WDR73: variants seen among roughly 807,000 people sequenced by gnomAD.
WDR73 encodes integrator complex assembly factor WDR73.
WDR73 carries 30 observed loss-of-function variants against 38.2 expected under a neutral mutation model. That is an observed-to-expected ratio of 0.79 (90% CI 0.59 to 1.06). WDR73 has a LOEUF of 1.06. Among genes scored for constraint, WDR73 ranks in the 50% least tolerant of loss-of-function variants. The probability of loss-of-function intolerance (pLI) is 0.00; values close to 1 mark genes in which losing one functional copy is unlikely to be tolerated. For synonymous variants in WDR73, 197 were observed against 176.0 expected, an observed-to-expected ratio of 1.12 and a Z score of -0.94; for missense variants, 487 against 467.0, an observed-to-expected ratio of 1.04 and a Z score of -0.40.
rs751738614 is a variant in WDR73, at chr15:84,646,234, C to A, written c.467G>T (p.Arg156Leu). The stretch of plus-strand genomic sequence containing the variant: ...CTCCAGATCAACGACCTGCAGACTT[C>A]GGAGCCTCGCCCCATGGAGGACTCC... ...APGVLHGARL[R>L]SLQVVDLESR... Residue 156 changes from arginine to leucine, a missense_variant, in exon 6 of 8, where the codon CGA becomes CTA. Coordinates refer to ENST00000434634, the MANE Select transcript of WDR73 (RefSeq NM_032856.5). The A allele has an allele frequency of 2.5e-6, 4 of 1,613,882 alleles. No homozygotes were observed. In the South Asian group the frequency reaches 4.4e-5, roughly 18 times the overall value.
rs1596047474 is a variant in WDR73, at chr15:84,643,296, C to G, written c.*174G>C. 2.8e-6 allele frequency: 2 copies of G among 724,370 alleles called. No individual in the cohort carries two copies. The highest frequency in any genetic ancestry group is 5.4e-5 in the East Asian group (2 of 36,850). 44.9% of individuals were successfully genotyped at this position (724,370 alleles called of 1,614,324 possible). A position where few individuals can be genotyped will look rare whatever the true frequency, so the allele number is the denominator to read the frequency against. Reference sequence around the variant, plus strand: ...TTCGCAATATCACTACGAGGTAGTTCTTACTATCCTCATTTTACAGATAAG... The same window carrying G: ...TTCGCAATATCACTACGAGGTAGTTGTTACTATCCTCATTTTACAGATAAG... On this transcript the variant is annotated 3_prime_UTR_variant, in exon 8 of 8. Coordinates refer to ENST00000434634, the MANE Select transcript of WDR73 (RefSeq NM_032856.5).
intron 5 of WDR73, 148 bp from the exon 6 acceptor site, chr15:84,646,496 C>A (rs1896468251): frequency 2.5e-6 from 3 of 1,179,190 alleles, no homozygotes; most frequent in Non-Finnish European, 3.5e-6. Flanking sequence ...GACATAACTA[C>A]TCTGGCTTAT....
In WDR73 at chr15:84,643,504, A is replaced by G; in HGVS notation, c.1103T>C (p.Val368Ala). The change falls in exon 8 of 8, where the codon GTG becomes GCG. Residue 368 changes from valine to alanine, a missense_variant. Transcript: ENST00000434634. ...GGCACAAAGGTCCACCCAGTCCCAC[A>G]CATGCAGAGAGGCATCATTTGTTGC... The part of the protein sequence containing the change: ...LSATNDASLH[V>A]WDWVDLCAPR The G allele has an allele frequency of 6.4e-7, 1 of 1,571,954 alleles. No homozygotes were observed. The highest frequency in any genetic ancestry group is 1.2e-5 in the South Asian group (1 of 85,794).
intron 5 of WDR73, 68 bp downstream of exon 5, chr15:84,647,822 T>C: frequency 6.8e-7 from 1 of 1,479,358 alleles, no homozygotes; most frequent in Non-Finnish European, 9.5e-7. Flanking sequence ...TGGCTCAGAT[T>C]AGGGGACAGG....
intron 3 of WDR73, among the ~76,000 whole-genome samples, chr15:84,651,300 C>T (rs1443924485): frequency 1.3e-5 from 2 of 149,404 alleles, no homozygotes; most frequent in African/African-American, 4.9e-5. Context: ...GTGGCACATG[C>T]CTGTAGTCCC....
At position 84,650,051 on chromosome 15, in the gene WDR73, G is replaced by C. The variant is rs374737663; in HGVS notation, c.199-1426C>G. On this transcript the variant is annotated intron_variant, in intron 3 of 7. Coordinates refer to ENST00000434634, the MANE Select transcript of WDR73 (RefSeq NM_032856.5). ...CTCAGGCTACTTTGATAAAAACTGG[G>C]CCACATCTGCATGGGATCTAGCCTC... Among the ~76,000 whole-genome samples the C allele has an allele frequency of 4.1e-4, 63 of 152,266 alleles. 2 individuals carry two copies. The East Asian group carries it at 7.5e-3, about 18-fold the overall frequency.
In WDR73 at chr15:84,652,731, A is replaced by C. The variant is rs1276459593; in HGVS notation, c.181T>G (p.Ser61Ala). The part of the protein sequence containing the change: ...ILHLKLPLRL[S>A]VKENKGLFPE... ...TAAGTTACCTTGTTTTCCTTTACAG[A>C]AAGTCTGAGAGGTAATTTCAGATGA... The change falls in exon 3 of 8, where the codon TCT becomes GCT. Residue 61 changes from serine to alanine, a missense_variant. By Grantham distance (99) the Ser-to-Ala change is moderately conservative. Transcript: ENST00000434634. The C allele has an allele frequency of 6.6e-7, 1 of 1,518,664 alleles. No homozygotes were observed. The highest frequency in any genetic ancestry group is 2.2e-5 in the Admixed American group (1 of 44,984). 94.1% of individuals were successfully genotyped at this position (1,518,664 alleles called of 1,614,324 possible).
chr15:84,652,604 C>T (rs1373229607), intron 3 of WDR73, 110 bp downstream of exon 3: 1 of 609,220 alleles, frequency 1.6e-6, no homozygotes, highest in Non-Finnish European at 2.8e-6. Context: ...AGGCCTAGCG[C>T]TTTCTCTCTT....
Position 84,648,524 on chromosome 15 carries a change from A to T in WDR73, c.287+13T>A. On this transcript the variant is annotated intron_variant, in intron 4 of 7. Coordinates refer to ENST00000434634, the MANE Select transcript of WDR73 (RefSeq NM_032856.5). ...ATCCTGTGTGGATGGCTGGATCACA[A>T]AATTGACCATACCTGGTATGTGGCA... is the stretch of plus-strand genomic sequence containing the variant. 8.7e-6 allele frequency: 14 copies of T among 1,607,156 alleles called. No individual in the cohort carries two copies. The highest frequency in any genetic ancestry group is 2.2e-5 in the South Asian group (2 of 90,938).
chr15:84,652,626 G>A (rs1371141553), intron 3 of WDR73, 88 bp downstream of exon 3: 4 of 798,494 alleles, frequency 5.0e-6, no homozygotes, highest in African/African-American at 3.5e-5. Flanking sequence ...CTAGTATCCA[G>A]GACAATACCT....
At position 84,653,680 on chromosome 15, in the gene WDR73, A is replaced by C. The variant is rs747583525; in HGVS notation, c.61T>G (p.Phe21Val). The C allele has an allele frequency of 1.9e-6, 3 of 1,593,412 alleles. No homozygotes were observed. In the South Asian group the frequency reaches 3.4e-5, roughly 18 times the overall value. The change falls in exon 2 of 8, where the codon TTC becomes GTC. Residue 21 changes from phenylalanine (F) to valine (V), a missense_variant. Phe to Val is a conservative substitution (Grantham distance 50, BLOSUM62 -1). Coordinates refer to ENST00000434634, the MANE Select transcript of WDR73 (RefSeq NM_032856.5). ...SLRLYQDFYA[F>V]DLSGATRVLE... The stretch of plus-strand genomic sequence containing the variant: ...ACTCGAGTGGCTCCTGACAGGTCGA[A>C]TGCATAGAAATCCTGGTACCTGCAC...
Position 84,645,711 on chromosome 15 carries a change from G to T in WDR73, c.643C>A (p.Arg215Ser). ...CCACCAGACCCAGGGCCAGGGCTGC[G>T]ATTCTCCAACGGTGCCCACTTCTGC... ...TRQKWAPLEN[R>S]SPGPGSGGER... Residue 215 changes from arginine (R) to serine (S), a missense_variant, in exon 7 of 8, where the codon CGC (arginine) becomes AGC (serine). Coordinates refer to ENST00000434634, the MANE Select transcript of WDR73 (RefSeq NM_032856.5). 1 of 1,609,806 alleles carries T rather than the reference G, an allele frequency of 6.2e-7. No individual in the cohort carries two copies. Among genetic ancestry groups the T allele is most frequent in the Non-Finnish European group, 8.5e-7 (1 of 1,178,132 alleles).
chr15:84,646,218 A>C lies in WDR73; in HGVS notation c.483T>G (p.Val161=). 1 of 1,613,860 alleles carries C rather than the reference A, an allele frequency of 6.2e-7. No homozygotes were observed. The highest frequency in any genetic ancestry group is 8.5e-7 in the Non-Finnish European group (1 of 1,179,884). The change falls in exon 6 of 8, where the codon GTT becomes GTG. Residue 161 remains valine, a synonymous_variant. Coordinates refer to ENST00000434634, the MANE Select transcript of WDR73 (RefSeq NM_032856.5). ...HGARLRSLQV[V]DLESRKTTYT... ...ACGTGGTCTTCCGGGACTCCAGATCAACGACCTGCAGACTTCGGAGCCTCG... is the reference window on the plus strand; with the variant it reads ...ACGTGGTCTTCCGGGACTCCAGATCCACGACCTGCAGACTTCGGAGCCTCG...
chr15:84,650,552 G>C (rs187769167), intron 3 of WDR73, among the ~76,000 whole-genome samples: 1 of 152,110 alleles, frequency 6.6e-6, no homozygotes, highest in Non-Finnish European at 1.5e-5. Context: ...GTAGAGATGG[G>C]GTTTCACCAT....
chr15:84,645,451 G>A lies in WDR73; in HGVS notation c.883+20C>T, dbSNP rs750449983. 5.0e-6 allele frequency: 8 copies of A among 1,610,068 alleles called. No individual in the cohort carries two copies. Among genetic ancestry groups the A allele is most frequent in the East Asian group, 4.5e-5 (2 of 44,754 alleles). ...GAAGAAAGAGATCAGATAACAAGACGAAATCCTGCTCGGCAGTACCTGAGA... is the reference window on the plus strand; with the variant it reads ...GAAGAAAGAGATCAGATAACAAGACAAAATCCTGCTCGGCAGTACCTGAGA... On this transcript the variant is annotated intron_variant, in intron 7 of 7. Coordinates refer to ENST00000434634, the MANE Select transcript of WDR73 (RefSeq NM_032856.5).
At chr15:84,651,005 C>G (rs2141844119) in intron 3 of WDR73, among the ~76,000 whole-genome samples, 2 of 151,948 alleles carry the variant, frequency 1.3e-5, no homozygotes, top group Non-Finnish European at 2.9e-5. Context: ...GTCCCAACTA[C>G]TCGGGATGCT....
Position 84,645,778 on chromosome 15 carries a change from G to A in WDR73, c.576C>T (p.Ala192=). 1 of 1,613,572 alleles carries A rather than the reference G, an allele frequency of 6.2e-7. No homozygotes were observed. The highest frequency in any genetic ancestry group is 8.5e-7 in the Non-Finnish European group (1 of 1,179,712). Residue 192 remains alanine, a synonymous_variant, in exon 7 of 8, where the codon GCC becomes GCT. Coordinates refer to ENST00000434634, the MANE Select transcript of WDR73 (RefSeq NM_032856.5). Reference sequence around the variant, plus strand: ...CCAGCCGGCCTGAAGCACAGCAGAAGGCAAAGGTGTCTGCATCTAGGACCT... The same window carrying A: ...CCAGCCGGCCTGAAGCACAGCAGAAAGCAAAGGTGTCTGCATCTAGGACCT... ...SLQVLDADTF[A]FCCASGRLGL...
chr15:84,648,182 C>T (rs952748683), intron 4 of WDR73: 10 of 602,738 alleles, frequency 1.7e-5, no homozygotes, highest in East Asian at 1.4e-4. Flanking sequence ...CTACAGAGGA[C>T]ACAAGTATGG....
At position 84,643,357 on chromosome 15, in the gene WDR73, A is replaced by G; in HGVS notation, c.*113T>C. 7.3e-7 allele frequency: 1 copy of G among 1,364,228 alleles called. No homozygotes were observed. Among genetic ancestry groups the G allele is most frequent in the Non-Finnish European group, 9.8e-7 (1 of 1,016,712 alleles). 84.5% of individuals were successfully genotyped at this position (1,364,228 alleles called of 1,614,324 possible). On this transcript the variant is annotated 3_prime_UTR_variant, in exon 8 of 8. Coordinates refer to ENST00000434634, the MANE Select transcript of WDR73 (RefSeq NM_032856.5). ...CTAAGTGACGCTGGCAGACTTGCCC[A>G]AGGCCACACAGCTGGTAACAGGGAC... is the stretch of plus-strand genomic sequence containing the variant.
Sources: allele counts gnomAD v4.1 joint callset (sites outside exome capture counted in the v4.1 genomes callset), GRCh38; gene constraint gnomAD v4.1.1; transcripts MANE v1.5; gene names NCBI Gene and HGNC (gene_info 2026-07-23, HGNC 2026-07-21).